The following PRKCE variants were observed in gnomAD, a reference collection of about 807,000 sequenced individuals.
The protein encoded by PRKCE is protein kinase C epsilon, also known as protein kinase C epsilon type.
In PRKCE, 16 loss-of-function variants were observed where a neutral mutation model predicts 85.4. The ratio of observed to expected loss-of-function variants is 0.19; its 90% CI spans 0.13 to 0.28. The LOEUF (loss-of-function observed/expected upper bound fraction) is 0.28. PRKCE is among the 10% of genes least tolerant of loss of function. PRKCE has a pLI of 1.00. For missense variants in PRKCE, 573 were observed against 975.2 expected (o/e 0.59, Z 5.49); for synonymous variants, 388 against 371.5 (o/e 1.04, Z -0.51).
chr2:45,944,251 C>G (rs1297325413), intron 2 of PRKCE, among the ~76,000 whole-genome samples: 2 of 152,108 alleles, frequency 1.3e-5, no homozygotes, highest in South Asian at 2.1e-4. Flanking sequence ...CCTTTTGTTC[C>G]CCATATTGTG....
intron 14 of PRKCE, among the ~76,000 whole-genome samples, chr2:46,172,501 C>G (rs946340656): frequency 6.6e-6 from 1 of 152,178 alleles, no homozygotes; most frequent in African/African-American, 2.4e-5. Flanking sequence ...CTGGGCGTGC[C>G]TGGGCGGCCC....
At chr2:46,063,868 G>A (rs1221561382) in intron 10 of PRKCE, among the ~76,000 whole-genome samples, 1 of 152,176 alleles carries the variant, frequency 6.6e-6, no homozygotes, top group Non-Finnish European at 1.5e-5. Flanking sequence ...GAAGGGTGGA[G>A]TATTCATTTC....
intron 11 of PRKCE, among the ~76,000 whole-genome samples, chr2:46,129,034 A>G (rs1674146456): frequency 6.6e-6 from 1 of 152,130 alleles, no homozygotes; most frequent in Non-Finnish European, 1.5e-5. Context: ...CTGAGTTTCA[A>G]ATCTTAGTTT....
intron 10 of PRKCE, among the ~76,000 whole-genome samples, chr2:46,076,451 C>G (rs1668567506): frequency 6.6e-6 from 1 of 152,098 alleles, no homozygotes; most frequent in Non-Finnish European, 1.5e-5. Flanking sequence ...TGAGGTCATT[C>G]CCTGGGATAA....
intron 1 of PRKCE, among the ~76,000 whole-genome samples, chr2:45,683,381 C>T (rs1435074298): frequency 6.6e-6 from 1 of 152,162 alleles, no homozygotes; most frequent in Non-Finnish European, 1.5e-5. Flanking sequence ...TCTTTGGAAT[C>T]GTCATAGGAG....
At chr2:46,025,609 C>G (rs1386014006) in intron 10 of PRKCE, among the ~76,000 whole-genome samples, 16 of 152,158 alleles carry the variant, frequency 1.1e-4, no homozygotes, top group Admixed American at 1.0e-3. Context: ...CTCATGTGCT[C>G]CCTCTCTCTC....
intron 1 of PRKCE, among the ~76,000 whole-genome samples, chr2:45,718,215 A>G (rs1007407380): frequency 5.9e-5 from 9 of 152,206 alleles, no homozygotes; most frequent in Non-Finnish European, 1.0e-4. Flanking sequence ...GACAACCACA[A>G]ATGTCTTTAG....
intron 1 of PRKCE, among the ~76,000 whole-genome samples, chr2:45,770,380 G>A (rs13405086): frequency 0.19 from 28,829 of 152,122 alleles, 3,290 homozygotes; most frequent in Middle Eastern, 0.34. Context: ...TTTCAAAAGT[G>A]TGCATATTGC....
At chr2:45,902,919 C>T (rs1007742133) in intron 2 of PRKCE, among the ~76,000 whole-genome samples, 4 of 152,116 alleles carry the variant, frequency 2.6e-5, no homozygotes, top group African/African-American at 9.7e-5. Flanking sequence ...ACTACTCAGG[C>T]CTTTGTATGC....
intron 10 of PRKCE, among the ~76,000 whole-genome samples, chr2:46,064,901 A>AG (rs1301858363): frequency 5.3e-5 from 8 of 152,168 alleles, no homozygotes; most frequent in African/African-American, 1.9e-4. Context: ...GCAGTGGGAA[A>AG]GGGGAGGCCC....
chr2:46,069,337 G>T (rs1167839869), intron 10 of PRKCE, among the ~76,000 whole-genome samples: 1 of 152,138 alleles, frequency 6.6e-6, no homozygotes, highest in Non-Finnish European at 1.5e-5. Context: ...TCTGAAGGCT[G>T]TCAGTAGGCC....
chr2:45,716,564 AAAGAAAGGAAGAAAGG>A (rs925036044), intron 1 of PRKCE, among the ~76,000 whole-genome samples: 1 of 150,046 alleles, frequency 6.7e-6, no homozygotes. Context: ...GAAGAAAAAG[AAAGAAAGGAAGAAAGG>A]AAGAAAGGAA....
intron 2 of PRKCE, among the ~76,000 whole-genome samples, chr2:45,849,129 C>G (rs1346407308): frequency 2.6e-5 from 4 of 152,158 alleles, no homozygotes; most frequent in Non-Finnish European, 4.4e-5. Flanking sequence ...GCTATGCAAG[C>G]AAGAAAATGA....
chr2:45,818,322 T>C (rs1031039333), intron 1 of PRKCE, among the ~76,000 whole-genome samples: 2 of 152,204 alleles, frequency 1.3e-5, no homozygotes, highest in African/African-American at 4.8e-5. Flanking sequence ...CTTCAGAAGA[T>C]GGATGAACTG....
intron 10 of PRKCE, among the ~76,000 whole-genome samples, chr2:46,023,723 CG>C (rs1221693285): frequency 1.3e-5 from 2 of 152,108 alleles, no homozygotes; most frequent in Non-Finnish European, 2.9e-5. Context: ...AGGAGGTTAC[CG>C]GTTCCAGTGA....
chr2:46,085,764 T>G (rs1439101175), intron 10 of PRKCE, among the ~76,000 whole-genome samples: 3 of 142,098 alleles, frequency 2.1e-5, no homozygotes, highest in Non-Finnish European at 3.0e-5. Flanking sequence ...TGTTTTTTTT[T>G]TTTTTTTTAG....
In PRKCE at chr2:45,905,721, G is replaced by A. The variant is rs13015067; in HGVS notation, c.412+62658G>A. 6.6e-6 allele frequency among the ~76,000 whole-genome samples: 1 copy of A among 152,110 alleles called. No homozygotes were observed. The highest frequency in any genetic ancestry group is 6.5e-5 in the Admixed American group (1 of 15,278). Reference sequence around the variant, plus strand: ...GAACACTGCAACTGTGATCTACAAAGATAGGATGTTTACTGAAGGGTAAAT... The same window carrying A: ...GAACACTGCAACTGTGATCTACAAAAATAGGATGTTTACTGAAGGGTAAAT... On this transcript the variant is annotated intron_variant, in intron 2 of 14. Coordinates refer to ENST00000306156, the MANE Select transcript of PRKCE (RefSeq NM_005400.3). This position sits in a 1 kb window ranked among gnomAD's most constrained non-coding sequence, Gnocchi z 4.4.
At chr2:45,944,606 A>G (rs1700107706) in intron 2 of PRKCE, among the ~76,000 whole-genome samples, 1 of 148,568 alleles carries the variant, frequency 6.7e-6, no homozygotes. Flanking sequence ...CTCCCGCCTC[A>G]GTCTCCCAAG....
chr2:46,043,629 G>T (rs545535223), intron 10 of PRKCE, among the ~76,000 whole-genome samples: 1 of 152,148 alleles, frequency 6.6e-6, no homozygotes. Flanking sequence ...GTGGGGATGT[G>T]GTAGAGGTGG....
Sources: gnomAD v4.1 joint callset for allele counts (sites outside exome capture counted in the v4.1 genomes callset) on GRCh38, gnomAD v4.1.1 for gene constraint, Gnocchi (gnomAD v3.1) non-coding constraint, MANE v1.5 for transcripts, NCBI Gene and HGNC (gene_info 2026-07-23, HGNC 2026-07-21) for gene names.